Variants in NT5C2 observed in about 807,000 individuals in gnomAD.
The protein encoded by NT5C2 is cytosolic purine 5'-nucleotidase.
Under a neutral mutation model 76.1 loss-of-function variants are expected in NT5C2, and 58 were observed. The observed-to-expected ratio is 0.76, with a 90% CI of 0.62 to 0.95. The LOEUF is 0.95. Ranked by LOEUF, NT5C2 falls within the 40% of genes least tolerant of loss-of-function variation. The probability of loss-of-function intolerance (pLI) is 0.00; values close to 1 mark genes in which losing one functional copy is unlikely to be tolerated. For synonymous variants in NT5C2, 229 were observed against 237.4 expected, an observed-to-expected ratio of 0.96 and a Z score of 0.32; for missense variants, 478 against 690.3, an observed-to-expected ratio of 0.69 and a Z score of 3.45.
chr10:103,132,880 T>C (rs141236323), intron 4 of NT5C2, among the ~76,000 whole-genome samples: 12 of 152,192 alleles, frequency 7.9e-5, no homozygotes, highest in African/African-American at 2.9e-4. Flanking sequence ...AAAAAAATTA[T>C]GTCAAGAGTT....
chr10:103,123,849 G>A (rs1040439731), intron 4 of NT5C2, among the ~76,000 whole-genome samples: 19 of 151,616 alleles, frequency 1.3e-4, no homozygotes, highest in Admixed American at 4.6e-4. Context: ...TTCGAAATTG[G>A]GGGGGGAAAA....
intron 3 of NT5C2, among the ~76,000 whole-genome samples, chr10:103,159,290 C>G (rs939608839): frequency 6.8e-6 from 1 of 146,200 alleles, no homozygotes; most frequent in Admixed American, 6.9e-5. Flanking sequence ...CACACACACA[C>G]ACAATTAGAG....
At chr10:103,186,652 T>C (rs1011170943) in intron 1 of NT5C2, among the ~76,000 whole-genome samples, 3 of 152,160 alleles carry the variant, frequency 2.0e-5, no homozygotes, top group Non-Finnish European at 2.9e-5. Flanking sequence ...CGGTGGCTCA[T>C]GCCTGTAATC....
At chr10:103,177,733 T>C (rs542482948) in intron 2 of NT5C2, among the ~76,000 whole-genome samples, 1 of 152,340 alleles carries the variant, frequency 6.6e-6, no homozygotes, top group African/African-American at 2.4e-5. Context: ...CTCATTATGT[T>C]GTCCAGGCTA....
At position 103,148,275 on chromosome 10, in the gene NT5C2, A is replaced by C. The variant is rs1024353102; in HGVS notation, c.102-8796T>G. 5.9e-5 allele frequency among the ~76,000 whole-genome samples: 9 copies of C among 152,200 alleles called. No homozygotes were observed. In the South Asian group the frequency reaches 1.7e-3, roughly 28 times the overall value. On this transcript the variant is annotated intron_variant, in intron 3 of 18. Coordinates refer to ENST00000404739, the MANE Select transcript of NT5C2 (RefSeq NM_001351169.2). ...TTAACATTTTCTCTGAGGAACATCA[A>C]GAGGGATACATTTTGTTTATCAGAT...
intron 10 of NT5C2, chr10:103,098,651 A>G: frequency 2.8e-6 from 1 of 355,326 alleles, no homozygotes; most frequent in Non-Finnish European, 5.1e-6. Context: ...TCTAACTGCT[A>G]TTATAATTGA....
intron 16 of NT5C2, among the ~76,000 whole-genome samples, 169 bp downstream of exon 16, chr10:103,091,395 G>A (rs999300842): frequency 6.6e-6 from 1 of 151,806 alleles, no homozygotes; most frequent in Non-Finnish European, 1.5e-5. Flanking sequence ...GCCCAGGCTG[G>A]AGTGCAATGG....
intron 3 of NT5C2, among the ~76,000 whole-genome samples, chr10:103,164,140 A>G: frequency 6.6e-6 from 1 of 152,056 alleles, no homozygotes; most frequent in Non-Finnish European, 1.5e-5. Context: ...AGCTGCTTGG[A>G]AGGCTGAGTT....
In NT5C2 at chr10:103,095,984, G is replaced by GAA; in HGVS notation, c.772-6_772-5dup. On this transcript the variant is annotated splice_region_variant and splice_polypyrimidine_tract_variant and intron_variant, in intron 11 of 18. Coordinates refer to ENST00000404739, the MANE Select transcript of NT5C2 (RefSeq NM_001351169.2). The stretch of plus-strand genomic sequence containing the variant: ...CAAACAGGTAAGTCATAATTTTCTG[G>GAA]AAAAAAAAATTTAACATAAGGTCCA... 6.2e-7 allele frequency: 1 copy of GAA among 1,604,772 alleles called. No individual in the cohort carries two copies. Among genetic ancestry groups the GAA allele is most frequent in the Non-Finnish European group, 8.5e-7 (1 of 1,173,738 alleles).
In NT5C2 at chr10:103,093,159, T is replaced by C. The variant is rs138513368; in HGVS notation, c.1139A>G (p.His380Arg). The change falls in exon 15 of 19, where the codon CAT becomes CGT. Residue 380 changes from histidine (H) to arginine (R), a missense_variant. His to Arg is a conservative substitution (Grantham distance 29). Transcript: ENST00000404739. ...CTTACAACTCTTGTCAGTCCAGACA[T>C]GTAGCTCCTGTGCGAGTTCAGGAAT... ...LVIPELAQEL[H>R]VWTDKSSLFE... is the part of the protein sequence containing the mutation. 2.2e-5 allele frequency: 35 copies of C among 1,607,794 alleles called. No homozygotes were observed. In the African/African-American group the frequency reaches 3.1e-4, roughly 14 times the overall value.
chr10:103,133,407 A>C (rs769871769), intron 4 of NT5C2, among the ~76,000 whole-genome samples: 12 of 152,124 alleles, frequency 7.9e-5, no homozygotes, highest in African/African-American at 1.2e-4. Flanking sequence ...GATTACAGGC[A>C]TGCACCACTG....
Position 103,178,939 on chromosome 10 carries a change from C to CTTTTTTCT in NT5C2, c.-25+2238_-25+2245dup, listed in dbSNP as rs1476382322. ...TTTTCTCTGTATTCCTCTACGTTTT[C>CTTTTTTCT]TTTTTTCTTTTTTTCTTTTTTTTTT... On this transcript the variant is annotated intron_variant, in intron 2 of 18. Transcript: ENST00000404739. Among the ~76,000 whole-genome samples the CTTTTTTCT allele has an allele frequency of 4.7e-4, 55 of 117,158 alleles. 1 individual carries two copies. The highest frequency in any genetic ancestry group is 1.4e-3 in the South Asian group (5 of 3,680). The allele number at this position is 117,158 out of a possible 152,430, so 76.9% of individuals were successfully genotyped here. A position where few individuals can be genotyped will look rare whatever the true frequency, so the allele number is the denominator to read the frequency against.
chr10:103,093,338 A>G (rs776237810), intron 14 of NT5C2, 29 bp from the exon 15 acceptor site: 74 of 1,504,010 alleles, frequency 4.9e-5, no homozygotes, highest in Non-Finnish European at 5.2e-5. Flanking sequence ...CAATGAGAAA[A>G]CTGTCCCTAT....
intron 3 of NT5C2, among the ~76,000 whole-genome samples, chr10:103,174,491 A>G (rs978141031): frequency 5.3e-5 from 8 of 152,204 alleles, no homozygotes; most frequent in African/African-American, 1.9e-4. Context: ...GAATTGCTTG[A>G]GCCTGGGAGG....
intron 1 of NT5C2, among the ~76,000 whole-genome samples, chr10:103,185,183 T>C (rs149751246): frequency 5.9e-5 from 9 of 152,256 alleles, no homozygotes; most frequent in East Asian, 1.9e-4. Flanking sequence ...CAAGAGAGCA[T>C]GTAAGGAAAA....
chr10:103,115,261 G>A (rs2074056285), intron 4 of NT5C2, among the ~76,000 whole-genome samples: 1 of 152,170 alleles, frequency 6.6e-6, no homozygotes, highest in Non-Finnish European at 1.5e-5. Flanking sequence ...AATTAGCCGG[G>A]CATGGCAGTG....
chr10:103,183,972 G>T, intron 1 of NT5C2, among the ~76,000 whole-genome samples: 1 of 148,510 alleles, frequency 6.7e-6, no homozygotes, highest in Non-Finnish European at 1.5e-5. Context: ...GTTTTTTTGA[G>T]ACAGAGTTTC....
chr10:103,138,683 G>A (rs771577433), intron 4 of NT5C2, among the ~76,000 whole-genome samples: 16 of 152,120 alleles, frequency 1.1e-4, no homozygotes, highest in Non-Finnish European at 1.9e-4. Flanking sequence ...TCATTTCAAT[G>A]GAAAATGAAC....
intron 1 of NT5C2, among the ~76,000 whole-genome samples, chr10:103,189,059 A>G (rs2092386390): frequency 6.6e-6 from 1 of 151,958 alleles, no homozygotes; most frequent in Non-Finnish European, 1.5e-5. Context: ...GCTTGGAAAG[A>G]GAAGACTGAA....
Sources: allele counts gnomAD v4.1 joint callset (sites outside exome capture counted in the v4.1 genomes callset), GRCh38; gene constraint gnomAD v4.1.1; transcripts MANE v1.5; gene names NCBI Gene and HGNC (gene_info 2026-07-23, HGNC 2026-07-21).